The following SMCO2 variants were observed in gnomAD, a reference collection of about 807,000 sequenced individuals.
SMCO2 encodes single-pass membrane protein with coiled-coil domains 2.
In SMCO2, 25 loss-of-function variants were observed where a neutral mutation model predicts 29.5. The ratio of observed to expected loss-of-function variants is 0.85; its 90% CI spans 0.62 to 1.18. The LOEUF is 1.18. SMCO2 is among the 50% of genes most tolerant of loss of function. The pLI, the probability that SMCO2 is intolerant of heterozygous loss-of-function variation, is 0.00. For missense variants in SMCO2, 348 were observed against 344.5 expected (o/e 1.01, Z -0.08); for synonymous variants, 117 against 123.3 (o/e 0.95, Z 0.34).
At chr12:27,452,874 G>C in the SMCO2 span, among the ~76,000 whole-genome samples, 1 of 152,188 alleles carries the variant, frequency 6.6e-6, no homozygotes, top group Admixed American at 6.5e-5. Flanking sequence ...CTTTTCAGAA[G>C]AAGGTTCATT....
intron 6 of SMCO2, 41 bp downstream of exon 7, chr12:27,494,397 G>C (rs1056034137): frequency 2.1e-6 from 3 of 1,410,036 alleles, no homozygotes; most frequent in Admixed American, 2.4e-5. Flanking sequence ...GATAAAATCA[G>C]ATAATTTATG....
chr12:27,497,978 T>C (rs773879961), intron 7 of SMCO2: 2 of 312,986 alleles, frequency 6.4e-6, no homozygotes, highest in Non-Finnish European at 6.4e-6. Flanking sequence ...GTTTAATATA[T>C]GTTCAGATGA....
chr12:27,435,294 C>A, the SMCO2 span, among the ~76,000 whole-genome samples: 7 of 22,696 alleles, frequency 3.1e-4, 1 homozygote, highest in Non-Finnish European at 7.4e-4. Context: ...CCCCCCCCCC[C>A]CCCCCCCCGG....
intron 7 of SMCO2, chr12:27,498,499 G>T: frequency 8.7e-6 from 2 of 229,300 alleles, no homozygotes; most frequent in South Asian, 1.5e-4. Context: ...TATTGAAGGT[G>T]AACATGTGGT....
chr12:27,491,688 T>C (rs1207798878), intron 5 of SMCO2, among the ~76,000 whole-genome samples: 4 of 150,768 alleles, frequency 2.7e-5, no homozygotes, highest in East Asian at 1.9e-4. Flanking sequence ...ATATATATAA[T>C]GTATTTTATA....
At chr12:27,480,410 G>A (rs1472612461) in intron 4 of SMCO2, among the ~76,000 whole-genome samples, 1 of 152,188 alleles carries the variant, frequency 6.6e-6, no homozygotes, top group African/African-American at 2.4e-5. Context: ...GGCTAGTGGA[G>A]TGGACTTCCC....
intron 2 of SMCO2, 54 bp from the exon 3 acceptor site, chr12:27,472,722 A>G: frequency 7.2e-7 from 1 of 1,383,506 alleles, no homozygotes; most frequent in Non-Finnish European, 1.0e-6. Flanking sequence ...TGCAGGCCCA[A>G]GCTCTGGCCC....
the SMCO2 span, among the ~76,000 whole-genome samples, chr12:27,445,782 T>C: frequency 2.6e-5 from 4 of 152,340 alleles, no homozygotes; most frequent in East Asian, 7.7e-4. Flanking sequence ...GAAATTTATT[T>C]TCTCACAGTT....
At chr12:27,450,943 G>A in the SMCO2 span, among the ~76,000 whole-genome samples, 1 of 152,142 alleles carries the variant, frequency 6.6e-6, no homozygotes. Context: ...TGGGAGGAGT[G>A]AAAGAGAAAT....
At chr12:27,490,809 G>C (rs1949729287) in intron 5 of SMCO2, among the ~76,000 whole-genome samples, 1 of 152,112 alleles carries the variant, frequency 6.6e-6, no homozygotes, top group African/African-American at 2.4e-5. Flanking sequence ...GTGCATGCCT[G>C]TAGTCCCAGC....
chr12:27,502,023 G>T, exon 8 of SMCO2: 4 of 1,548,104 alleles, frequency 2.6e-6, no homozygotes, highest in Non-Finnish European at 3.5e-6. Context: ...CTTTGAAAGG[G>T]TGCTTCTGAG....
At chr12:27,442,175 C>T in the SMCO2 span, among the ~76,000 whole-genome samples, 1 of 151,656 alleles carries the variant, frequency 6.6e-6, no homozygotes, top group African/African-American at 2.4e-5. Context: ...CAAGCCAAAT[C>T]CAAAATTAGT....
At chr12:27,487,749 C>CT (rs1949701535) in intron 4 of SMCO2, among the ~76,000 whole-genome samples, 1 of 138,114 alleles carries the variant, frequency 7.2e-6, no homozygotes, top group African/African-American at 2.9e-5. Context: ...TTCTTCTTTT[C>CT]TTTCTTTTTT....
intron 4 of SMCO2, among the ~76,000 whole-genome samples, chr12:27,479,182 C>A (rs1005746097): frequency 2.6e-5 from 4 of 152,062 alleles, no homozygotes; most frequent in Admixed American, 1.3e-4. Context: ...GTCATCAGGT[C>A]CCCTGATGGT....
At chr12:27,436,337 A>AT in the SMCO2 span, among the ~76,000 whole-genome samples, 3,819 of 152,286 alleles carry the variant, frequency 0.025, 166 homozygotes, top group African/African-American at 0.088. Flanking sequence ...GTTTTACCTT[A>AT]TTAATACTGC....
chr12:27,485,436 ATT>A (rs1480426987), intron 4 of SMCO2, among the ~76,000 whole-genome samples: 1 of 145,050 alleles, frequency 6.9e-6, no homozygotes, highest in Admixed American at 6.8e-5. Context: ...TACTGCCTCT[ATT>A]TATTTTTTTA....
chr12:27,495,595 G>T, intron 6 of SMCO2, 85 bp from the exon 8 acceptor site: 1 of 1,288,752 alleles, frequency 7.8e-7, no homozygotes. Context: ...AGGTGATCCA[G>T]AGGAAAAGCA....
chr12:27,471,410 A>G (rs1028788007), intron 2 of SMCO2, among the ~76,000 whole-genome samples: 1 of 152,164 alleles, frequency 6.6e-6, no homozygotes, highest in Non-Finnish European at 1.5e-5. Flanking sequence ...TAAGCAGATT[A>G]GATGTGAAGT....
chr12:27,473,940 T>A (rs1949562499), intron 3 of SMCO2, among the ~76,000 whole-genome samples: 1 of 152,236 alleles, frequency 6.6e-6, no homozygotes, highest in Admixed American at 6.5e-5. Context: ...TGGATGCTTT[T>A]CTAGAACATG....
Sources: gnomAD v4.1 joint callset for allele counts (sites outside exome capture counted in the v4.1 genomes callset) on GRCh38, gnomAD v4.1.1 for gene constraint, MANE v1.5 for transcripts, NCBI Gene and HGNC (gene_info 2026-07-23, HGNC 2026-07-21) for gene names.